The following SYCE1L variants were observed in gnomAD, a reference collection of about 807,000 sequenced individuals.
The protein encoded by SYCE1L is synaptonemal complex central element protein 1-like.
A neutral mutation model predicts 39.6 loss-of-function variants in SYCE1L; 51 were observed. That is an observed-to-expected ratio of 1.29 (90% CI 1.03 to 1.63). The LOEUF is 1.63. Among genes scored for constraint, SYCE1L ranks in the 40% most tolerant of loss-of-function variants. The pLI is 0.00. For missense variants in SYCE1L, 426 were observed against 304.9 expected (o/e 1.40, Z -2.96); for synonymous variants, 147 against 122.4 (o/e 1.20, Z -1.33).
Position 77,208,452 on chromosome 16 carries a change from C to G in SYCE1L, c.182-13C>G, listed in dbSNP as rs1244907335. On this transcript the variant is annotated splice_polypyrimidine_tract_variant and intron_variant, in intron 3 of 10. Transcript: ENST00000378644. ...CTACACTCATACAGTGTCTTTTTCC[C>G]TTCTTGGCCCAGCAAAGAAGAAATC... 1 of 1,551,398 alleles carries G rather than the reference C, an allele frequency of 6.4e-7. No individual in the cohort carries two copies. The highest frequency in any genetic ancestry group is 2.0e-5 in the Admixed American group (1 of 50,950).
intron 3 of SYCE1L, 24 bp downstream of exon 3, chr16:77,208,293 C>A: frequency 6.4e-7 from 1 of 1,550,730 alleles, no homozygotes; most frequent in Non-Finnish European, 8.7e-7. Context: ...CTTAGACTGG[C>A]CAGCTGGGGC....
rs933105086 is a variant in SYCE1L at position 77,206,589 on chromosome 16, C to T, written c.121+89C>T. ...ATTCAGCCCCCTGAACTCACAACCT[C>T]AGGAAATTATCCCATTGCACTTTCT... On this transcript the variant is annotated intron_variant, in intron 2 of 10. Transcript: ENST00000378644. 12 of 1,311,054 alleles carry T rather than the reference C, an allele frequency of 9.2e-6. No homozygotes were observed. The East Asian group carries it at 1.3e-4, about 14-fold the overall frequency. The allele number at this position is 1,311,054 out of a possible 1,614,324, so 81.2% of individuals were successfully genotyped here.
chr16:77,212,074 G>T (rs9924848), intron 7 of SYCE1L, 56 bp from the exon 8 acceptor site: 3 of 1,506,874 alleles, frequency 2.0e-6, no homozygotes, highest in Non-Finnish European at 2.7e-6. Flanking sequence ...GGGGAGGGGC[G>T]GGCCGTGTAG....
intron 1 of SYCE1L, chr16:77,200,274 G>GTGTATATATATATA (rs1254014728): frequency 8.8e-6 from 1 of 113,582 alleles, no homozygotes; most frequent in African/African-American, 3.5e-5. Flanking sequence ...ATATATATGT[G>GTGTATATATATATA]TATATATATA....
intron 6 of SYCE1L, 81 bp downstream of exon 6, chr16:77,209,552 T>C: frequency 6.8e-7 from 1 of 1,471,952 alleles, no homozygotes; most frequent in South Asian, 1.2e-5. Context: ...AAATGAATCT[T>C]GGACACAGAA....
chr16:77,209,476 G>A lies in SYCE1L; in HGVS notation c.359+5G>A, dbSNP rs1951308805. On this transcript the variant is annotated splice_donor_5th_base_variant and intron_variant, in intron 6 of 10. Transcript: ENST00000378644. ...GAAGGAAAGCGAGGCTCAGAGGTAA[G>A]AGGCCCTGCCTCAGCTCTTCCCTAC... 1.3e-6 allele frequency: 2 copies of A among 1,551,734 alleles called. No individual in the cohort carries two copies. The highest frequency in any genetic ancestry group is 8.7e-7 in the Non-Finnish European group (1 of 1,146,998).
At chr16:77,212,435 C>A in intron 9 of SYCE1L, 66 bp downstream of exon 9, 2 of 1,532,250 alleles carry the variant, frequency 1.3e-6, no homozygotes, top group South Asian at 2.4e-5. Flanking sequence ...CCGCCCAGGT[C>A]CCCCGCTCCG....
chr16:77,206,630 T>G, intron 2 of SYCE1L, 130 bp downstream of exon 2: 4 of 879,550 alleles, frequency 4.5e-6, no homozygotes, highest in Middle Eastern at 2.2e-4. Flanking sequence ...TTATACAGTT[T>G]AATTCTTTGA....
Position 77,208,494 on chromosome 16 carries a change from G to C in SYCE1L, c.211G>C (p.Glu71Gln). 1 of 1,551,740 alleles carries C rather than the reference G, an allele frequency of 6.4e-7. No individual in the cohort carries two copies. Among genetic ancestry groups the C allele is most frequent in the East Asian group, 2.4e-5 (1 of 40,920 alleles). Reference protein sequence around the residue: ...AKKKSSEELRETHSLWEALHR... With the variant: ...AKKKSSEELRQTHSLWEALHR... ...GAAGAAATCCAGTGAGGAACTGAGA[G>C]AGACCCACAGTCTCTGGGAGGCCCT... Residue 71 changes from glutamate (E) to glutamine (Q), a missense_variant, in exon 4 of 11, where the codon GAG becomes CAG. Transcript: ENST00000378644.
chr16:77,201,484 A>G (rs1450419333), intron 1 of SYCE1L: 1 of 152,218 alleles, frequency 6.6e-6, no homozygotes, highest in Non-Finnish European at 1.5e-5. Flanking sequence ...CCTTGTAGAG[A>G]AACAGGCCTT....
At chr16:77,212,479 C>G in intron 9 of SYCE1L, 95 bp from the exon 10 acceptor site, 1 of 1,539,834 alleles carries the variant, frequency 6.5e-7, no homozygotes, top group Non-Finnish European at 8.7e-7. Flanking sequence ...CTGTGCCTCC[C>G]TCGGCGTCGT....
In SYCE1L at chr16:77,211,294, C is replaced by A; in HGVS notation, c.423+18C>A. On this transcript the variant is annotated intron_variant, in intron 7 of 10. Coordinates refer to ENST00000378644, the MANE Select transcript of SYCE1L (RefSeq NM_001129979.3). ...AATTCCACGTGAGCCATTATCATTG[C>A]CTGCAACCAAAGCCACTCCTCCCTG... 6.4e-7 allele frequency: 1 copy of A among 1,551,856 alleles called. No homozygotes were observed. The highest frequency in any genetic ancestry group is 2.4e-5 in the East Asian group (1 of 40,916).
intron 1 of SYCE1L, chr16:77,202,241 A>G (rs926843015): frequency 3.9e-5 from 6 of 152,222 alleles, no homozygotes; most frequent in African/African-American, 1.4e-4. Flanking sequence ...AGACACTGGA[A>G]TAGTAAGGAG....
rs2054808290 is a variant in SYCE1L, at chr16:77,209,470, A to G, written c.358A>G (p.Arg120Gly). 6.4e-7 allele frequency: 1 copy of G among 1,551,604 alleles called. No homozygotes were observed. The highest frequency in any genetic ancestry group is 8.7e-7 in the Non-Finnish European group (1 of 1,147,004). ...CCAAGAGAAGGAAAGCGAGGCTCAG[A>G]GGTAAGAGGCCCTGCCTCAGCTCTT... ...HCQEKESEAQRLDVRGQLEDL... is the reference protein window; with the variant it reads ...HCQEKESEAQGLDVRGQLEDL... The change falls in exon 6 of 11, where the codon AGG becomes GGG. Residue 120 changes from arginine (R) to glycine (G), a missense_variant and splice_region_variant. Coordinates refer to ENST00000378644, the MANE Select transcript of SYCE1L (RefSeq NM_001129979.3).
intron 6 of SYCE1L, 53 bp from the exon 7 acceptor site, chr16:77,211,160 A>G (rs1192985470): frequency 3.2e-6 from 5 of 1,544,826 alleles, no homozygotes; most frequent in Admixed American, 2.0e-5. Context: ...GGAGCCCCCA[A>G]CAGGGTGTCA....
chr16:77,208,435 A>G, intron 3 of SYCE1L, 30 bp from the exon 4 acceptor site: 1 of 1,549,908 alleles, frequency 6.5e-7, no homozygotes, highest in South Asian at 1.2e-5. Flanking sequence ...GACTACACTC[A>G]TACAGTGTCT....
rs1404759177 is a variant in SYCE1L at position 77,212,622 on chromosome 16, C to G, written c.630C>G (p.Pro210=). The change falls in exon 10 of 11, where the codon CCC becomes CCG. Residue 210 remains proline, a synonymous_variant. Coordinates refer to ENST00000378644, the MANE Select transcript of SYCE1L (RefSeq NM_001129979.3). ...TCGGGGAGCAGGTCCGGAGCGCCCC[C>G]GAGGTCGGGGCCGGCGAGGGAGAGG... is the stretch of plus-strand genomic sequence containing the variant. ...EIFGEQVRSA[P]EVGAGEGEAG... 2 of 1,534,994 alleles carry G rather than the reference C, an allele frequency of 1.3e-6. No individual in the cohort carries two copies. The highest frequency in any genetic ancestry group is 1.4e-5 in the African/African-American group (1 of 72,930).
In SYCE1L at chr16:77,212,864, C is replaced by G; in HGVS notation, c.662C>G (p.Pro221Arg). ...TCACCCAGCCCCCGGCAGGCCGGAC[C>G]TGAGCTCCCCCGCGCTCGCGACGAG... is the stretch of plus-strand genomic sequence containing the variant. ...EVGAGEGEAG[P>R]ELPRARDEED... is the part of the protein sequence containing the mutation. Residue 221 changes from proline to arginine, a missense_variant, in exon 11 of 11, where the codon CCT (proline) becomes CGT (arginine). By Grantham distance (103) the Pro-to-Arg change is moderately radical. Transcript: ENST00000378644. The G allele has an allele frequency of 6.6e-7, 1 of 1,517,434 alleles. No individual in the cohort carries two copies. 94.0% of individuals were successfully genotyped at this position (1,517,434 alleles called of 1,614,324 possible).
At chr16:77,199,533 G>T in intron 1 of SYCE1L, 21 bp downstream of exon 1, 1 of 1,541,924 alleles carries the variant, frequency 6.5e-7, no homozygotes, top group Non-Finnish European at 8.8e-7. Flanking sequence ...CAAGTGGGCT[G>T]CACTCCTTTC....
Sources: allele counts gnomAD v4.1 joint callset, GRCh38; gene constraint gnomAD v4.1.1; transcripts MANE v1.5; gene names NCBI Gene and HGNC (gene_info 2026-07-23, HGNC 2026-07-21).